The following FUNDC2 variants were observed in gnomAD, a reference collection of about 807,000 sequenced individuals.
FUNDC2 encodes FUN14 domain containing 2, also known as FUN14 domain-containing protein 2.
Under a neutral mutation model 15.6 loss-of-function variants are expected in FUNDC2, and 4 were observed. The ratio of observed to expected loss-of-function variants is 0.26; its 90% CI spans 0.13 to 0.59. The LOEUF (loss-of-function observed/expected upper bound fraction) is 0.59, where lower values mean the gene tolerates loss of function less well. Among genes scored for constraint, FUNDC2 ranks in the 20% least tolerant of loss-of-function variants. FUNDC2 has a pLI of 0.90. For missense variants in FUNDC2, 98 were observed against 149.7 expected, an observed-to-expected ratio of 0.65 and a Z score of 1.80; for synonymous variants, 44 against 56.9, an observed-to-expected ratio of 0.77 and a Z score of 1.02.
rs1378623504 is a variant in FUNDC2, at chrX:155,033,616, C to A, written c.284+63C>A. The A allele has an allele frequency of 3.8e-6, 4 of 1,047,601 alleles. No homozygotes were observed. In the Admixed American group the frequency reaches 9.0e-5, roughly 24 times the overall value. The allele number at this position is 1,047,601 out of a possible 1,213,427, so 86.3% of individuals were successfully genotyped here. A position where few individuals can be genotyped will look rare whatever the true frequency, so the allele number is the denominator to read the frequency against. On this transcript the variant is annotated intron_variant, in intron 2 of 4. Transcript: ENST00000369498. Reference sequence around the variant, plus strand: ...TGATTTAGTATTGCAGTTATAGGTACCATCATCTCCTTTAACCAGTGAAAA... The same window carrying A: ...TGATTTAGTATTGCAGTTATAGGTAACATCATCTCCTTTAACCAGTGAAAA...
chrX:155,051,538 G>T, intron 3 of FUNDC2, 132 bp from the exon 4 acceptor site: 1 of 644,121 alleles, frequency 1.6e-6, no homozygotes, highest in Non-Finnish European at 2.4e-6. Flanking sequence ...ATGATACAAA[G>T]AATCAAATGG....
Position 155,029,333 on chromosome X carries a change from T to C in FUNDC2, c.133+2262T>C, listed in dbSNP as rs1229282364. Among the ~76,000 whole-genome samples the C allele has an allele frequency of 2.7e-5, 3 of 112,490 alleles. No homozygotes were observed. In the East Asian group the frequency reaches 8.3e-4, roughly 31 times the overall value. ...TCCTGATCCACAAAATCTGAGAGCA[T>C]AATATATGATTGTTTTGCTTCATGA... On this transcript the variant is annotated intron_variant, in intron 1 of 4. Transcript: ENST00000369498.
chrX:155,040,872 T>C (rs1245542740), intron 2 of FUNDC2, among the ~76,000 whole-genome samples: 1 of 111,786 alleles, frequency 8.9e-6, no homozygotes, highest in Non-Finnish European at 1.9e-5. Flanking sequence ...ATCTTTTTGT[T>C]ATTGAGTTGT....
chrX:155,060,055 C>A lies in FUNDC2; in HGVS notation c.*5383C>A, dbSNP rs183459179. The A allele has an allele frequency of 1.5e-3, 166 of 112,197 alleles. No homozygotes were observed. The highest frequency in any genetic ancestry group is 5.2e-3 in the African/African-American group (161 of 30,865). 9.2% of individuals were successfully genotyped at this position (112,197 alleles called of 1,213,427 possible). A position where few individuals can be genotyped will look rare whatever the true frequency, so the allele number is the denominator to read the frequency against. On this transcript the variant is annotated 3_prime_UTR_variant, in exon 5 of 5. Coordinates refer to ENST00000369498, the MANE Select transcript of FUNDC2 (RefSeq NM_023934.4). The stretch of plus-strand genomic sequence containing the variant: ...CTAAACCTCTTTTATTTATAAATTA[C>A]CGAGTCTCAGGCACTTTTTATAGCA...
chrX:155,026,974 G>A lies in FUNDC2; in HGVS notation c.36G>A (p.Val12=). The A allele has an allele frequency of 4.2e-6, 5 of 1,202,077 alleles. No homozygotes were observed. The highest frequency in any genetic ancestry group is 2.4e-4 in the Middle Eastern group (1 of 4,196). The change falls in exon 1 of 5, where the codon GTG becomes GTA. Residue 12 remains valine (V), a synonymous_variant. Coordinates refer to ENST00000369498, the MANE Select transcript of FUNDC2 (RefSeq NM_023934.4). ...ETSAPRAGSQ[V]VATTARHSAA... ...CTGCCCCACGTGCCGGAAGCCAAGTGGTGGCGACAACTGCGCGCCACTCCG... is the reference window on the plus strand; with the variant it reads ...CTGCCCCACGTGCCGGAAGCCAAGTAGTGGCGACAACTGCGCGCCACTCCG...
intron 2 of FUNDC2, among the ~76,000 whole-genome samples, chrX:155,045,434 A>G (rs1229709799): frequency 8.9e-6 from 1 of 112,133 alleles, no homozygotes; most frequent in Admixed American, 9.4e-5. Flanking sequence ...TTACTTGTCT[A>G]TATGTATCCC....
chrX:155,031,841 G>A (rs1557288764), intron 1 of FUNDC2, among the ~76,000 whole-genome samples: 2 of 111,848 alleles, frequency 1.8e-5, no homozygotes, highest in Non-Finnish European at 3.8e-5. Flanking sequence ...TTCTTAGTGC[G>A]GTGTGTTTCC....
chrX:155,049,262 G>A (rs2073873043), intron 3 of FUNDC2: 2 of 112,816 alleles, frequency 1.8e-5, no homozygotes, highest in African/African-American at 6.4e-5. Context: ...GTGTTGCTTT[G>A]CCCCTGCAGT....
rs1275084371 is a variant in FUNDC2, at chrX:155,057,694, T to C, written c.*3022T>C. 2 of 111,822 alleles carry C rather than the reference T, an allele frequency of 1.8e-5. No homozygotes were observed. Among genetic ancestry groups the C allele is most frequent in the Non-Finnish European group, 3.8e-5 (2 of 53,158 alleles). The allele number at this position is 111,822 out of a possible 1,213,427, so 9.2% of individuals were successfully genotyped here. ...CTGTCCCCTTCCTGGCTACTATGGG[T>C]CGGCCCTGCGTCCTCACCACTTTGA... On this transcript the variant is annotated 3_prime_UTR_variant, in exon 5 of 5. Coordinates refer to ENST00000369498, the MANE Select transcript of FUNDC2 (RefSeq NM_023934.4).
chrX:155,028,580 G>A (rs1164216223), intron 1 of FUNDC2, among the ~76,000 whole-genome samples: 1 of 112,493 alleles, frequency 8.9e-6, no homozygotes, highest in African/African-American at 3.2e-5. Context: ...GATGTATCCT[G>A]AATGAATTCT....
At chrX:155,054,115 G>C (rs1365018625) in intron 4 of FUNDC2, 1 of 750,179 alleles carries the variant, frequency 1.3e-6, no homozygotes, top group East Asian at 1.5e-4. Flanking sequence ...GCAGGTTTCA[G>C]GGGGGAATGC....
Position 155,054,861 on chromosome X carries a change from G to T in FUNDC2, c.*189G>T. On this transcript the variant is annotated 3_prime_UTR_variant, in exon 5 of 5. Transcript: ENST00000369498. ...CACCATGAGCTTCATGGTGGCAGAA[G>T]AGACAATAGTCCTTAGCTCTCCTCC... 2.3e-6 allele frequency: 1 copy of T among 441,480 alleles called. No homozygotes were observed. The highest frequency in any genetic ancestry group is 4.0e-6 in the Non-Finnish European group (1 of 252,825). 36.4% of individuals were successfully genotyped at this position (441,480 alleles called of 1,213,427 possible). A position where few individuals can be genotyped will look rare whatever the true frequency, so the allele number is the denominator to read the frequency against.
In FUNDC2 at chrX:155,030,919, T is replaced by G. The variant is rs2073813021; in HGVS notation, c.134-2484T>G. Among the ~76,000 whole-genome samples the G allele has an allele frequency of 3.6e-5, 4 of 111,000 alleles. No individual in the cohort carries two copies. The Admixed American group carries it at 3.8e-4, about 11-fold the overall frequency. The stretch of plus-strand genomic sequence containing the variant: ...CCAGGCTGGTCTCGAACTCCTGACC[T>G]CAGGTGATCCACCCGCCTCGGCCTC... On this transcript the variant is annotated intron_variant, in intron 1 of 4. Transcript: ENST00000369498.
rs1557291020 is a variant in FUNDC2, at chrX:155,056,933, TCTGAATTAAGATCTGTAGGTAGGTCCCTC to T, written c.*2267_*2295del. On this transcript the variant is annotated 3_prime_UTR_variant, in exon 5 of 5. Transcript: ENST00000369498. Reference sequence around the variant, plus strand: ...CTGGCCTCAGACTGTATTCTGATTGTCTGAATTAAGATCTGTAGGTAGGTCCCTCCTGAAGTTTTTTCCCAGCTGGCTGC... The same window carrying T: ...CTGGCCTCAGACTGTATTCTGATTGTCTGAAGTTTTTTCCCAGCTGGCTGC... 9.0e-6 allele frequency: 1 copy of T among 111,245 alleles called. No individual in the cohort carries two copies. The highest frequency in any genetic ancestry group is 1.9e-5 in the Non-Finnish European group (1 of 52,945). The allele number at this position is 111,245 out of a possible 1,213,427, so 9.2% of individuals were successfully genotyped here.
At chrX:155,043,172 T>C (rs1182320021) in intron 2 of FUNDC2, among the ~76,000 whole-genome samples, 5 of 111,940 alleles carry the variant, frequency 4.5e-5, no homozygotes, top group African/African-American at 1.6e-4. Flanking sequence ...ACACCTGGGC[T>C]CAAGCAATCC....
chrX:155,035,091 T>C (rs2073826986), intron 2 of FUNDC2, among the ~76,000 whole-genome samples: 1 of 111,873 alleles, frequency 8.9e-6, no homozygotes, highest in African/African-American at 3.3e-5. Context: ...ACCTTAATGG[T>C]TAGTGATTTT....
chrX:155,036,488 AGAAGTTCTTAATCTT>A (rs1397133079), intron 2 of FUNDC2, among the ~76,000 whole-genome samples: 1 of 112,105 alleles, frequency 8.9e-6, no homozygotes, highest in Non-Finnish European at 1.9e-5. Flanking sequence ...TTCAAAGAGC[AGAAGTTCTTAATCTT>A]GAAGTGCAGC....
chrX:155,050,630 C>G (rs1169499489), intron 3 of FUNDC2: 1 of 112,007 alleles, frequency 8.9e-6, no homozygotes, highest in Admixed American at 9.5e-5. Context: ...ATTTGTTTAT[C>G]CATTCATGTG....
In FUNDC2 at chrX:155,059,400, A is replaced by G. The variant is rs2073919432; in HGVS notation, c.*4728A>G. On this transcript the variant is annotated 3_prime_UTR_variant, in exon 5 of 5. Transcript: ENST00000369498. ...TAAAAGGTCTGTCAGTCACTAACCA[A>G]GTGATTAAACTTAGCATCACTAATA... 9.0e-6 allele frequency: 1 copy of G among 111,036 alleles called. No individual in the cohort carries two copies. The highest frequency in any genetic ancestry group is 1.9e-5 in the Non-Finnish European group (1 of 52,971). The allele number at this position is 111,036 out of a possible 1,213,427, so 9.2% of individuals were successfully genotyped here. A position where few individuals can be genotyped will look rare whatever the true frequency, so the allele number is the denominator to read the frequency against.
Sources: gnomAD v4.1 joint callset for allele counts (sites outside exome capture counted in the v4.1 genomes callset) on GRCh38, gnomAD v4.1.1 for gene constraint, MANE v1.5 for transcripts, NCBI Gene and HGNC (gene_info 2026-07-23, HGNC 2026-07-21) for gene names.